The following ZC3H18 variants were observed in gnomAD, a reference collection of about 807,000 sequenced individuals.
The protein encoded by ZC3H18 is zinc finger CCCH-type containing 18.
ZC3H18 carries 8 observed loss-of-function variants against 106.1 expected under a neutral mutation model. The ratio of observed to expected loss-of-function variants is 0.08; its 90% confidence interval spans 0.04 to 0.14. ZC3H18 has a LOEUF of 0.14. Among genes scored for constraint, ZC3H18 ranks in the 10% least tolerant of loss-of-function variants. The pLI, the probability that ZC3H18 is intolerant of heterozygous loss-of-function variation, is 1.00. For synonymous variants in ZC3H18, 635 were observed against 522.1 expected (o/e 1.22, Z -2.95); for missense variants, 1,318 against 1,278.4 (o/e 1.03, Z -0.47).
At position 88,631,464 on chromosome 16, in the gene ZC3H18, G is replaced by A. The variant is rs1010057570; in HGVS notation, c.*165G>A. Reference sequence around the variant, plus strand: ...AAGCCACACAGGAAATGACAACGACGCTGAATCCCAGCCTCCCTCCCCAGA... The same window carrying A: ...AAGCCACACAGGAAATGACAACGACACTGAATCCCAGCCTCCCTCCCCAGA... On this transcript the variant is annotated 3_prime_UTR_variant, in exon 18 of 18. Transcript: ENST00000301011. The A allele has an allele frequency of 1.5e-5, 14 of 943,426 alleles. No homozygotes were observed. Among genetic ancestry groups the A allele is most frequent in the Middle Eastern group, 2.2e-4 (1 of 4,636 alleles). The allele number at this position is 943,426 out of a possible 1,614,324, so 58.4% of individuals were successfully genotyped here. A position where few individuals can be genotyped will look rare whatever the true frequency, so the allele number is the denominator to read the frequency against.
intron 8 of ZC3H18, among the ~76,000 whole-genome samples, chr16:88,618,912 G>T (rs1905788090): frequency 6.6e-6 from 1 of 152,146 alleles, no homozygotes; most frequent in African/African-American, 2.4e-5. Flanking sequence ...CTCTGCGCAG[G>T]CCCCTACTTG....
chr16:88,622,199 G>C lies in ZC3H18; in HGVS notation c.1478G>C (p.Arg493Pro), dbSNP rs201777324. ...PKPRSPQPPSRQAEPPKKEAA... is the reference protein window; with the variant it reads ...PKPRSPQPPSPQAEPPKKEAA... Reference sequence around the variant, plus strand: ...TGCTAATGCCTCTGTAATTTCAGCCGCCAAGCTGAGCCACCAAAGAAGGAG... The same window carrying C: ...TGCTAATGCCTCTGTAATTTCAGCCCCCAAGCTGAGCCACCAAAGAAGGAG... The change falls in exon 9 of 18, where the codon CGC becomes CCC. Residue 493 changes from arginine (R) to proline (P), a missense_variant and splice_region_variant. Arg to Pro is a moderately radical substitution (Grantham distance 103). Coordinates refer to ENST00000301011, the MANE Select transcript of ZC3H18 (RefSeq NM_144604.4). The C allele has an allele frequency of 1.9e-6, 3 of 1,606,280 alleles. No homozygotes were observed. In the African/African-American group the frequency reaches 4.0e-5, roughly 22 times the overall value.
At chr16:88,571,388 GTCT>G (rs968886242) in intron 1 of ZC3H18, among the ~76,000 whole-genome samples, 2 of 152,236 alleles carry the variant, frequency 1.3e-5, no homozygotes, top group Non-Finnish European at 2.9e-5. Flanking sequence ...TGCTCATCAT[GTCT>G]CCTGTTAGAC....
chr16:88,631,038 G>T, intron 17 of ZC3H18, 63 bp from the exon 18 acceptor site: 2 of 1,600,650 alleles, frequency 1.2e-6, no homozygotes, highest in East Asian at 2.2e-5. Context: ...CTACGGGGAG[G>T]TCACCCCTTC....
At chr16:88,592,142 G>A (rs1451977933) in intron 3 of ZC3H18, among the ~76,000 whole-genome samples, 1 of 152,224 alleles carries the variant, frequency 6.6e-6, no homozygotes, top group African/African-American at 2.4e-5. Context: ...CCCACCAGTG[G>A]TGTGGGGGCT....
At chr16:88,612,832 C>G (rs532813125) in intron 8 of ZC3H18, among the ~76,000 whole-genome samples, 2 of 151,112 alleles carry the variant, frequency 1.3e-5, no homozygotes, top group Non-Finnish European at 2.9e-5. Context: ...AAAATCCCGT[C>G]TCTACAAAAA....
chr16:88,630,765 CACACACA>C (rs1906632032), intron 17 of ZC3H18, among the ~76,000 whole-genome samples, 184 bp downstream of exon 17: 1 of 102,048 alleles, frequency 9.8e-6, no homozygotes, highest in African/African-American at 3.5e-5. Flanking sequence ...CACCCCCCCC[CACACACA>C]CACACACGCT....
At chr16:88,598,412 T>A in intron 4 of ZC3H18, 86 bp downstream of exon 4, 2 of 1,526,814 alleles carry the variant, frequency 1.3e-6, no homozygotes, top group South Asian at 2.6e-5. Flanking sequence ...TCACTGTGCC[T>A]TAGCACAGGC....
At chr16:88,623,036 A>G (rs1011714668) in intron 9 of ZC3H18, 183 bp from the exon 10 acceptor site, 2 of 784,398 alleles carry the variant, frequency 2.5e-6, no homozygotes, top group African/African-American at 3.5e-5. Context: ...ATGGCACTGA[A>G]GAGTGTCTGG....
intron 8 of ZC3H18, among the ~76,000 whole-genome samples, chr16:88,616,683 T>C (rs1435071458): frequency 1.3e-5 from 2 of 152,164 alleles, no homozygotes; most frequent in Admixed American, 1.3e-4. Context: ...GGTGGGTCTT[T>C]GGCAGGTTGG....
At chr16:88,630,966 C>G (rs1016462084) in intron 17 of ZC3H18, 135 bp from the exon 18 acceptor site, 34 of 1,117,264 alleles carry the variant, frequency 3.0e-5, no homozygotes, top group Non-Finnish European at 2.7e-5. Context: ...CAGTGGGAGC[C>G]TGGCCATCCA....
Position 88,631,228 on chromosome 16 carries a change from C to T in ZC3H18, c.2791C>T (p.Leu931=), listed in dbSNP as rs764181600. 3 of 1,613,356 alleles carry T rather than the reference C, an allele frequency of 1.9e-6. No homozygotes were observed. In the African/African-American group the frequency reaches 4.0e-5, roughly 22 times the overall value. Residue 931 remains leucine (L), a synonymous_variant, in exon 18 of 18, where the codon CTG becomes TTG. Coordinates refer to ENST00000301011, the MANE Select transcript of ZC3H18 (RefSeq NM_144604.4). Reference sequence around the variant, plus strand: ...CAGCACGCTGTCTCGGCGGGAGGAGCTGCTGAAACAGCTGAAGGCCGTGGA... The same window carrying T: ...CAGCACGCTGTCTCGGCGGGAGGAGTTGCTGAAACAGCTGAAGGCCGTGGA... ...KASTLSRREE[L]LKQLKAVEDA...
At position 88,577,401 on chromosome 16, in the gene ZC3H18, C is replaced by A. The variant is rs757021331; in HGVS notation, c.278C>A (p.Thr93Asn). 1.3e-6 allele frequency: 2 copies of A among 1,599,276 alleles called. No individual in the cohort carries two copies. Among genetic ancestry groups the A allele is most frequent in the Non-Finnish European group, 8.5e-7 (1 of 1,171,114 alleles). Reference sequence around the variant, plus strand: ...GTGAATGAGCTGAGCCGGGGCCCGACCAGCTCCCCCTGCGAGGAGGAGGGG... The same window carrying A: ...GTGAATGAGCTGAGCCGGGGCCCGAACAGCTCCCCCTGCGAGGAGGAGGGG... ...SEVNELSRGP[T>N]SSPCEEEGDE... The change falls in exon 2 of 18, where the codon ACC becomes AAC. Residue 93 changes from threonine to asparagine, a missense_variant. Coordinates refer to ENST00000301011, the MANE Select transcript of ZC3H18 (RefSeq NM_144604.4).
Position 88,612,596 on chromosome 16 carries a change from G to A in ZC3H18, c.1475+1060G>A, listed in dbSNP as rs1469431921. 2.0e-5 allele frequency among the ~76,000 whole-genome samples: 3 copies of A among 148,326 alleles called. No homozygotes were observed. The East Asian group carries it at 6.0e-4, about 30-fold the overall frequency. ...GGAGGCCAAGGCAGGAGGATTACAGGATCGCCCAGGTGTTGGAGGCTGCCA... is the reference window on the plus strand; with the variant it reads ...GGAGGCCAAGGCAGGAGGATTACAGAATCGCCCAGGTGTTGGAGGCTGCCA... On this transcript the variant is annotated intron_variant, in intron 8 of 17. Transcript: ENST00000301011.
chr16:88,614,667 T>A (rs1905470165), intron 8 of ZC3H18, among the ~76,000 whole-genome samples: 1 of 152,270 alleles, frequency 6.6e-6, no homozygotes, highest in Non-Finnish European at 1.5e-5. Context: ...TTAATCCTTT[T>A]ATGTTACAGT....
At position 88,627,821 on chromosome 16, in the gene ZC3H18, G is replaced by C. The variant is rs200034191; in HGVS notation, c.2269+39G>C. On this transcript the variant is annotated intron_variant, in intron 14 of 17. Coordinates refer to ENST00000301011, the MANE Select transcript of ZC3H18 (RefSeq NM_144604.4). The surrounding 1 kb of genome is among the most constrained non-coding windows in gnomAD (Gnocchi z 4.5). Reference sequence around the variant, plus strand: ...CTGGTACCTTTGGGGAGCAGCTCCCGGGGGAGGAGGGCGGCATCAGCACAG... The same window carrying C: ...CTGGTACCTTTGGGGAGCAGCTCCCCGGGGAGGAGGGCGGCATCAGCACAG... 57 of 1,609,686 alleles carry C rather than the reference G, an allele frequency of 3.5e-5. No homozygotes were observed. The highest frequency in any genetic ancestry group is 4.8e-5 in the Non-Finnish European group (56 of 1,177,044).
intron 3 of ZC3H18, among the ~76,000 whole-genome samples, chr16:88,590,595 C>T (rs1167430684): frequency 4.2e-5 from 4 of 95,154 alleles, no homozygotes; most frequent in African/African-American, 1.2e-4. Context: ...CAGTGTCTCG[C>T]TCTGTCACCC....
Position 88,611,572 on chromosome 16 carries a change from G to C in ZC3H18, c.1475+36G>C. ...CTTCCTGAAGCCCAGGGGTGTGGGGGAGGTCCGGCATGCAGCTCTGTACCT... is the reference window on the plus strand; with the variant it reads ...CTTCCTGAAGCCCAGGGGTGTGGGGCAGGTCCGGCATGCAGCTCTGTACCT... On this transcript the variant is annotated intron_variant, in intron 8 of 17. Coordinates refer to ENST00000301011, the MANE Select transcript of ZC3H18 (RefSeq NM_144604.4). 3 of 1,543,536 alleles carry C rather than the reference G, an allele frequency of 1.9e-6. No individual in the cohort carries two copies. The South Asian group carries it at 3.6e-5, about 19-fold the overall frequency.
At chr16:88,583,909 T>C (rs1333927358) in intron 2 of ZC3H18, among the ~76,000 whole-genome samples, 1 of 152,108 alleles carries the variant, frequency 6.6e-6, no homozygotes, top group African/African-American at 2.4e-5. Flanking sequence ...CAGAAGGCCA[T>C]CGGCGTGAGG....
Sources: gnomAD v4.1 joint callset for allele counts (sites outside exome capture counted in the v4.1 genomes callset) on GRCh38, gnomAD v4.1.1 for gene constraint, Gnocchi (gnomAD v3.1) non-coding constraint, MANE v1.5 for transcripts, NCBI Gene and HGNC (gene_info 2026-07-23, HGNC 2026-07-21) for gene names.